Variants in CD163L1 observed in about 807,000 individuals in gnomAD.
CD163L1 encodes scavenger receptor cysteine-rich type 1 protein M160.
Under a neutral mutation model 165.4 loss-of-function variants are expected in CD163L1, and 124 were observed. The ratio of observed to expected loss-of-function variants is 0.75; its 90% CI spans 0.65 to 0.87. The LOEUF is 0.87. Among genes scored for constraint, CD163L1 ranks in the 40% least tolerant of loss-of-function variants. CD163L1 has a pLI of 0.00. For synonymous variants in CD163L1, 585 were observed against 662.2 expected (o/e 0.88, Z 1.79); for missense variants, 1,525 against 1,799.9 (o/e 0.85, Z 2.76).
chr12:7,389,356 T>C (rs1032735056), intron 8 of CD163L1, among the ~76,000 whole-genome samples: 1 of 152,198 alleles, frequency 6.6e-6, no homozygotes, highest in Admixed American at 6.5e-5. Flanking sequence ...TGATGATCAA[T>C]GATGTTGAGC....
intron 4 of CD163L1, among the ~76,000 whole-genome samples, chr12:7,421,640 CACATATACATATAT>C (rs1207374843): frequency 2.8e-5 from 2 of 70,832 alleles, no homozygotes; most frequent in African/African-American, 7.4e-5. Flanking sequence ...CATATATGTA[CACATATACATATAT>C]GTACATATAT....
intron 4 of CD163L1, among the ~76,000 whole-genome samples, chr12:7,412,823 G>A (rs180868877): frequency 2.6e-5 from 4 of 152,140 alleles, no homozygotes; most frequent in African/African-American, 7.2e-5. Context: ...CTGGCCGGGC[G>A]CAGTGGCTCA....
intron 2 of CD163L1, chr12:7,439,276 G>A (rs1948781933): frequency 1.3e-6 from 2 of 1,544,456 alleles, no homozygotes; most frequent in South Asian, 1.2e-5. Flanking sequence ...TCTTGTTTTC[G>A]TCTTTAAATC....
downstream of CD163L1, among the ~76,000 whole-genome samples, chr12:7,342,696 C>T (rs906633663): frequency 8.5e-5 from 13 of 152,170 alleles, no homozygotes; most frequent in South Asian, 4.1e-4. Flanking sequence ...TGCAGTGGCA[C>T]GATCACGGCT....
rs764780585 is a variant in CD163L1, at chr12:7,396,305, T to C, written c.1840A>G (p.Ser614Gly). ...WGTVCDDGWNSKAAAVVCSQL... is the reference protein window; with the variant it reads ...WGTVCDDGWNGKAAAVVCSQL... ...CTACACACCACAGCTGCAGCTTTAC[T>C]GTTCCAGCCGTCATCACACACTGTG... The change falls in exon 8 of 20, where the codon AGT (serine) becomes GGT (glycine). Residue 614 changes from serine to glycine, a missense_variant. Ser to Gly is a moderately conservative substitution (Grantham distance 56). Transcript: ENST00000313599. 5 of 1,614,202 alleles carry C rather than the reference T, an allele frequency of 3.1e-6. No homozygotes were observed. Among genetic ancestry groups the C allele is most frequent in the Non-Finnish European group, 4.2e-6 (5 of 1,180,028 alleles).
At position 7,432,468 on chromosome 12, in the gene CD163L1, T is replaced by C. The variant is rs1948646174; in HGVS notation, c.714A>G (p.Gly238=). 1 of 1,613,992 alleles carries C rather than the reference T, an allele frequency of 6.2e-7. No individual in the cohort carries two copies. The highest frequency in any genetic ancestry group is 8.5e-7 in the Non-Finnish European group (1 of 1,179,988). Residue 238 remains glycine, a synonymous_variant, in exon 4 of 20, where the codon GGA becomes GGG. Coordinates refer to ENST00000313599, the MANE Select transcript of CD163L1 (RefSeq NM_174941.6). This position sits in a 1 kb window ranked among gnomAD's most constrained non-coding sequence, Gnocchi z 4.2. ...ELALWNCRHR[G]WGNHDCSHNE... ...TGTGACTGCAGTCATGATTTCCCCA[T>C]CCACGATGTCTGCAATTCCAGAGTG...
intron 14 of CD163L1, among the ~76,000 whole-genome samples, chr12:7,371,950 A>C (rs1565777760): frequency 6.6e-6 from 1 of 152,026 alleles, no homozygotes; most frequent in South Asian, 2.1e-4. Context: ...TCAACTGATC[A>C]TGGTATTATA....
the CD163L1 span, among the ~76,000 whole-genome samples, chr12:7,336,755 T>A: frequency 8.9e-3 from 1,352 of 152,170 alleles, 20 homozygotes; most frequent in African/African-American, 0.031. Flanking sequence ...TGGCCATACC[T>A]TGTAAAGTAA....
chr12:7,411,057 G>A (rs1948130493), intron 4 of CD163L1, among the ~76,000 whole-genome samples: 1 of 151,754 alleles, frequency 6.6e-6, no homozygotes, highest in Admixed American at 6.6e-5. Context: ...AGAGACTAAG[G>A]TGGATGTCCT....
At chr12:7,357,776 T>A (rs1946808039) in intron 18 of CD163L1, among the ~76,000 whole-genome samples, 2 of 152,142 alleles carry the variant, frequency 1.3e-5, no homozygotes, top group South Asian at 2.1e-4. Context: ...ATTTTGATTT[T>A]AAAAATGGGA....
rs1948030001 is a variant in CD163L1, at chr12:7,406,813, T to C, written c.806A>G (p.Asn269Ser). 6.2e-7 allele frequency: 1 copy of C among 1,613,936 alleles called. No homozygotes were observed. The highest frequency in any genetic ancestry group is 8.5e-7 in the Non-Finnish European group (1 of 1,179,986). Residue 269 changes from asparagine to serine, a missense_variant, in exon 5 of 20, where the codon AAC (asparagine) becomes AGC (serine). Asn to Ser is a conservative substitution (Grantham distance 46, BLOSUM62 1). Transcript: ENST00000313599. ...CAGCTCTACTCTCCCCATACAGCGG[T>C]TAGTTCCACCTACAAGCCTTAGTTC... ...DLELRLVGGTNRCMGRVELKI... is the reference protein window; with the variant it reads ...DLELRLVGGTSRCMGRVELKI...
intron 1 of CD163L1, among the ~76,000 whole-genome samples, chr12:7,441,940 T>C (rs1008565543): frequency 2.6e-5 from 4 of 152,170 alleles, no homozygotes; most frequent in Non-Finnish European, 4.4e-5. Flanking sequence ...AAGTTTATGC[T>C]ACACGTGTGG....
chr12:7,344,451 C>A (rs746604202), downstream of CD163L1, among the ~76,000 whole-genome samples: 2 of 152,340 alleles, frequency 1.3e-5, no homozygotes, highest in South Asian at 4.1e-4. Context: ...ATCCTGGGCA[C>A]ACTGGTACAA....
intron 4 of CD163L1, among the ~76,000 whole-genome samples, chr12:7,425,877 A>G (rs999802000): frequency 1.3e-5 from 2 of 152,088 alleles, no homozygotes; most frequent in African/African-American, 4.8e-5. Flanking sequence ...ATTGTGGAAG[A>G]CTGTGGTGAT....
intron 4 of CD163L1, among the ~76,000 whole-genome samples, chr12:7,421,686 T>C (rs745392332): frequency 1.1e-3 from 165 of 143,600 alleles, no homozygotes; most frequent in African/African-American, 4.1e-3. Context: ...CATATGTACA[T>C]ATACATATAT....
chr12:7,443,963 A>AT (rs748004296), intron 1 of CD163L1, 134 bp downstream of exon 1: 54 of 847,806 alleles, frequency 6.4e-5, no homozygotes, highest in Non-Finnish European at 9.3e-5. Context: ...AAAACTTTCA[A>AT]TTTTTTTATA....
At chr12:7,423,497 A>G (rs1292349663) in intron 4 of CD163L1, among the ~76,000 whole-genome samples, 1 of 152,172 alleles carries the variant, frequency 6.6e-6, no homozygotes, top group East Asian at 1.9e-4. Flanking sequence ...ACTGAAAGAG[A>G]CAGAGACAGA....
rs141804007 is a variant in CD163L1, at chr12:7,406,703, C to T, written c.916G>A (p.Gly306Arg). The T allele has an allele frequency of 6.2e-7, 1 of 1,614,074 alleles. No individual in the cohort carries two copies. The highest frequency in any genetic ancestry group is 8.5e-7 in the Non-Finnish European group (1 of 1,179,992). The stretch of plus-strand genomic sequence containing the variant: ...AAGCCAGCGAAGTGAAGTGCGGTTC[C>T]ACATCCCAACTGCTTGCATACGACA... Reference protein sequence around the residue: ...ADVVCKQLGCGTALHFAGLPH... With the variant: ...ADVVCKQLGCRTALHFAGLPH... Residue 306 changes from glycine (G) to arginine (R), a missense_variant, in exon 5 of 20, where the codon GGA (glycine) becomes AGA (arginine). By Grantham distance (125) the Gly-to-Arg change is moderately radical (BLOSUM62 -2). Transcript: ENST00000313599.
chr12:7,377,613 A>G (rs1947296771), intron 9 of CD163L1, among the ~76,000 whole-genome samples: 1 of 152,064 alleles, frequency 6.6e-6, no homozygotes, highest in East Asian at 1.9e-4. Flanking sequence ...TGACATAACT[A>G]CTTTTATTAA....
Sources: gnomAD v4.1 joint callset for allele counts (sites outside exome capture counted in the v4.1 genomes callset) on GRCh38, gnomAD v4.1.1 for gene constraint, Gnocchi (gnomAD v3.1) non-coding constraint, MANE v1.5 for transcripts, NCBI Gene and HGNC (gene_info 2026-07-23, HGNC 2026-07-21) for gene names.